Variants in PCDHGB4 observed in about 807,000 individuals in gnomAD.
PCDHGB4 encodes protocadherin gamma subfamily B, 4, also known as protocadherin gamma-B4.
In PCDHGB4, 38 loss-of-function variants were observed where a neutral mutation model predicts 60.5. The ratio of observed to expected loss-of-function variants is 0.63; its 90% CI spans 0.48 to 0.82. PCDHGB4 has a LOEUF of 0.82. Ranked by LOEUF, PCDHGB4 falls within the 40% of genes least tolerant of loss-of-function variation. The pLI is 0.00. For synonymous variants in PCDHGB4, 456 were observed against 509.7 expected (o/e 0.89, Z 1.42); for missense variants, 1,109 against 1,209.6 (o/e 0.92, Z 1.23).
intron 2 of PCDHGB4, among the ~76,000 whole-genome samples, chr5:141,502,866 C>CTTTTT (rs549047197): frequency 1.6e-5 from 2 of 128,044 alleles, no homozygotes; most frequent in Non-Finnish European, 1.6e-5. Flanking sequence ...GACTCTCTGT[C>CTTTTT]TTTTTTTTTT....
At chr5:141,423,094 C>CGCGTGCGT (rs2096708722) in intron 1 of PCDHGB4, 4 of 1,613,860 alleles carry the variant, frequency 2.5e-6, no homozygotes, top group African/African-American at 2.7e-5. Flanking sequence ...GGTGGGGGAG[C>CGCGTGCGT]ACACGGGCGA....
At chr5:141,411,631 C>G (rs570915798) in intron 1 of PCDHGB4, 1 of 151,812 alleles carries the variant, frequency 6.6e-6, no homozygotes, top group South Asian at 2.1e-4. Context: ...TGCTGTAATC[C>G]CAGCACTTTG....
intron 1 of PCDHGB4, among the ~76,000 whole-genome samples, chr5:141,462,009 G>C (rs2099028674): frequency 6.6e-6 from 1 of 152,190 alleles, no homozygotes; most frequent in Non-Finnish European, 1.5e-5. Flanking sequence ...TTTTAATAGA[G>C]ACGGGGTTTC....
rs376515666 is a variant in PCDHGB4, at chr5:141,394,832, C to T, written c.2397+4551C>T. On this transcript the variant is annotated intron_variant, in intron 1 of 3. Coordinates refer to ENST00000519479, the MANE Select transcript of PCDHGB4 (RefSeq NM_003736.4). The stretch of plus-strand genomic sequence containing the variant: ...CTGACAGCATCCCCGAAGTCCTGAC[C>T]GAGTTGGGCAGTCTGAAGCCTTCGG... The T allele has an allele frequency of 1.5e-5, 24 of 1,613,710 alleles. No individual in the cohort carries two copies. In the East Asian group the frequency reaches 3.3e-4, roughly 22 times the overall value.
At chr5:141,405,179 G>A (rs2094620573) in intron 1 of PCDHGB4, 1 of 1,614,028 alleles carries the variant, frequency 6.2e-7, no homozygotes, top group South Asian at 1.1e-5. Context: ...CTTTGTGGGT[G>A]TAGATGGGGT....
Position 141,490,749 on chromosome 5 carries a change from C to T in PCDHGB4, c.2398-4058C>T, listed in dbSNP as rs777124697. 3.1e-6 allele frequency: 5 copies of T among 1,614,098 alleles called. No individual in the cohort carries two copies. The South Asian group carries it at 5.5e-5, about 18-fold the overall frequency. ...GAAATCAGGTTCAGGGAGCCCCAGC[C>T]TCCTCCTTTGTGTATGTCAACCCAG... On this transcript the variant is annotated intron_variant, in intron 1 of 3. Coordinates refer to ENST00000519479, the MANE Select transcript of PCDHGB4 (RefSeq NM_003736.4). The surrounding 1 kb of genome is among the most constrained non-coding windows in gnomAD (Gnocchi z 5.4).
chr5:141,391,000 T>C (rs2092286539), intron 1 of PCDHGB4: 1 of 152,230 alleles, frequency 6.6e-6, no homozygotes, highest in Admixed American at 6.5e-5. Flanking sequence ...TTCAAGCTCA[T>C]TCTATATCCT....
chr5:141,399,038 A>G (rs1228007346), intron 1 of PCDHGB4: 2 of 1,613,854 alleles, frequency 1.2e-6, no homozygotes, highest in South Asian at 2.2e-5. Context: ...AAGAAACTGG[A>G]TTTTGAAGAG....
chr5:141,403,553 G>T, intron 1 of PCDHGB4: 6 of 1,613,980 alleles, frequency 3.7e-6, no homozygotes, highest in Non-Finnish European at 5.1e-6. Flanking sequence ...GCGCGCCCTG[G>T]ACAGGGAGGA....
In PCDHGB4 at chr5:141,490,673, C is replaced by T; in HGVS notation, c.2398-4134C>T. ...GGCTCCCTTCTTTGCACTGTGGCTG[C>T]CTCAGATCCAGACACTGGGGATAAT... On this transcript the variant is annotated intron_variant, in intron 1 of 3. Coordinates refer to ENST00000519479, the MANE Select transcript of PCDHGB4 (RefSeq NM_003736.4). This position sits in a 1 kb window ranked among gnomAD's most constrained non-coding sequence, Gnocchi z 5.4. 1.2e-6 allele frequency: 2 copies of T among 1,614,126 alleles called. No homozygotes were observed. The highest frequency in any genetic ancestry group is 1.7e-6 in the Non-Finnish European group (2 of 1,179,952).
At position 141,490,545 on chromosome 5, in the gene PCDHGB4, C is replaced by T; in HGVS notation, c.2398-4262C>T. 3 of 1,614,164 alleles carry T rather than the reference C, an allele frequency of 1.9e-6. No homozygotes were observed. The highest frequency in any genetic ancestry group is 2.5e-6 in the Non-Finnish European group (3 of 1,180,018). ...GCGATGCTGGTTCACCTTCCCTACA[C>T]AAACATCTCACCATCAGGCTCAACA... On this transcript the variant is annotated intron_variant, in intron 1 of 3. Coordinates refer to ENST00000519479, the MANE Select transcript of PCDHGB4 (RefSeq NM_003736.4). The surrounding 1 kb of genome is among the most constrained non-coding windows in gnomAD (Gnocchi z 5.4).
chr5:141,491,507 C>A lies in PCDHGB4; in HGVS notation c.2398-3300C>A, dbSNP rs755899622. 1.9e-6 allele frequency: 3 copies of A among 1,614,038 alleles called. No individual in the cohort carries two copies. The highest frequency in any genetic ancestry group is 1.6e-4 in the Middle Eastern group (1 of 6,062). Reference sequence around the variant, plus strand: ...AACCTGCAGGTGAGCTCGGACGGCACGCTCAAGTACATGGAGGTGACGCTG... The same window carrying A: ...AACCTGCAGGTGAGCTCGGACGGCAAGCTCAAGTACATGGAGGTGACGCTG... On this transcript the variant is annotated intron_variant, in intron 1 of 3. Transcript: ENST00000519479. The surrounding 1 kb of genome is among the most constrained non-coding windows in gnomAD (Gnocchi z 6.9).
Position 141,432,880 on chromosome 5 carries a change from C to T in PCDHGB4, c.2397+42599C>T, listed in dbSNP as rs865848752. ...CGGTCTCCTGCGTCTTCCTGGCCTT[C>T]GTCATCTTGCTGCTGGCGCTCAGGC... On this transcript the variant is annotated intron_variant, in intron 1 of 3. Transcript: ENST00000519479. The surrounding 1 kb of genome is among the most constrained non-coding windows in gnomAD (Gnocchi z 6.0). 1 of 1,614,194 alleles carries T rather than the reference C, an allele frequency of 6.2e-7. No individual in the cohort carries two copies. Among genetic ancestry groups the T allele is most frequent in the Non-Finnish European group, 8.5e-7 (1 of 1,180,008 alleles).
At chr5:141,470,302 C>A (rs996558051) in intron 1 of PCDHGB4, among the ~76,000 whole-genome samples, 5 of 152,188 alleles carry the variant, frequency 3.3e-5, no homozygotes, top group African/African-American at 1.2e-4. Context: ...GTTTTTATTC[C>A]ATTTTTCCTC....
chr5:141,478,049 A>G, intron 1 of PCDHGB4: 2 of 1,614,056 alleles, frequency 1.2e-6, no homozygotes, highest in Middle Eastern at 3.3e-4. Flanking sequence ...GCAGACTCTC[A>G]CGGTCTTGAT....
At position 141,410,612 on chromosome 5, in the gene PCDHGB4, C is replaced by CT. The variant is rs748943892; in HGVS notation, c.2397+20332dup. The CT allele has an allele frequency of 5.6e-6, 9 of 1,605,878 alleles. 1 individual carries two copies. The South Asian group carries it at 9.9e-5, about 18-fold the overall frequency. On this transcript the variant is annotated intron_variant, in intron 1 of 3. Transcript: ENST00000519479. ...GGATTTGACTTCACATCCTGAGACT[C>CT]TGACTTCGGTGAGTTTCTCTTTTTT...
In PCDHGB4 at chr5:141,430,991, A is replaced by G. The variant is rs2097333608; in HGVS notation, c.2397+40710A>G. 2.5e-6 allele frequency: 4 copies of G among 1,613,862 alleles called. No individual in the cohort carries two copies. In the East Asian group the frequency reaches 8.9e-5, roughly 36 times the overall value. ...AGGTAGGACGCAGCTTTTCGCCCTGAATCCGCGCAGCGGCAGCTTGGTCAC... is the reference window on the plus strand; with the variant it reads ...AGGTAGGACGCAGCTTTTCGCCCTGGATCCGCGCAGCGGCAGCTTGGTCAC... On this transcript the variant is annotated intron_variant, in intron 1 of 3. Coordinates refer to ENST00000519479, the MANE Select transcript of PCDHGB4 (RefSeq NM_003736.4).
chr5:141,505,338 G>T, intron 2 of PCDHGB4, 55 bp from the exon 3 acceptor site: 1 of 1,612,254 alleles, frequency 6.2e-7, no homozygotes, highest in South Asian at 1.1e-5. Flanking sequence ...GGACAGGAGG[G>T]GCATGAGCTG....
intron 1 of PCDHGB4, among the ~76,000 whole-genome samples, chr5:141,473,343 T>C (rs1309426537): frequency 6.6e-6 from 1 of 152,218 alleles, no homozygotes; most frequent in Non-Finnish European, 1.5e-5. Flanking sequence ...TGCTAGACAG[T>C]GAGGATGCAA....
Sources: gnomAD v4.1 joint callset for allele counts (sites outside exome capture counted in the v4.1 genomes callset) on GRCh38, gnomAD v4.1.1 for gene constraint, Gnocchi (gnomAD v3.1) non-coding constraint, MANE v1.5 for transcripts, NCBI Gene and HGNC (gene_info 2026-07-23, HGNC 2026-07-21) for gene names.